The following TENM2 variants were observed in gnomAD, a reference collection of about 807,000 sequenced individuals.
TENM2 encodes the protein teneurin transmembrane protein 2.
TENM2 carries 52 observed loss-of-function variants against 245.2 expected under a neutral mutation model. The observed-to-expected ratio is 0.21, with a 90% confidence interval of 0.17 to 0.27. The LOEUF (loss-of-function observed/expected upper bound fraction) is 0.27. Among genes scored for constraint, TENM2 ranks in the 10% least tolerant of loss-of-function variants. TENM2 has a pLI of 1.00. For missense variants in TENM2, 3,046 were observed against 3,666.8 expected, an observed-to-expected ratio of 0.83 and a Z score of 4.37; for synonymous variants, 1,363 against 1,438.9, an observed-to-expected ratio of 0.95 and a Z score of 1.19.
chr5:167,831,982 CG>C (rs58337999), intron 2 of TENM2, among the ~76,000 whole-genome samples: 4,605 of 122,840 alleles, frequency 0.037, 235 homozygotes, highest in African/African-American at 0.12. Context: ...AGAGAATGGA[CG>C]AAAAAAAAAA....
chr5:168,184,629 A>T (rs546138981), intron 13 of TENM2, among the ~76,000 whole-genome samples: 1 of 152,194 alleles, frequency 6.6e-6, no homozygotes, highest in Admixed American at 6.5e-5. Flanking sequence ...GCCATTTCCT[A>T]TGAGAATGAT....
intron 3 of TENM2, among the ~76,000 whole-genome samples, chr5:167,944,751 T>C (rs934221313): frequency 6.6e-6 from 1 of 152,198 alleles, no homozygotes; most frequent in Non-Finnish European, 1.5e-5. Flanking sequence ...TAAAATTAGA[T>C]AGTGGTGATA....
At chr5:167,022,048 T>G in the TENM2 span, among the ~76,000 whole-genome samples, 1 of 152,238 alleles carries the variant, frequency 6.6e-6, no homozygotes. Context: ...ATGGAAATTC[T>G]TATGGGTTTA....
At chr5:167,836,924 G>T (rs1311602495) in intron 2 of TENM2, among the ~76,000 whole-genome samples, 1 of 152,014 alleles carries the variant, frequency 6.6e-6, no homozygotes, top group Non-Finnish European at 1.5e-5. Flanking sequence ...TGGAAAATCT[G>T]CTTTTTTCAT....
At chr5:167,208,680 A>C in the TENM2 span, among the ~76,000 whole-genome samples, 32,222 of 152,176 alleles carry the variant, frequency 0.21, 4,094 homozygotes, top group African/African-American at 0.35. Context: ...CTTAGCCTTA[A>C]TAAACGGAAC....
intron 1 of TENM2, among the ~76,000 whole-genome samples, chr5:167,342,507 C>CTTTTTTTTTTTTT (rs35451881): frequency 1.8e-5 from 1 of 54,288 alleles, no homozygotes; most frequent in African/African-American, 8.0e-5. Context: ...TAAAGTTATT[C>CTTTTTTTTTTTTT]TTTTTTTTTT....
At chr5:167,485,964 A>C (rs1768038835) in intron 2 of TENM2, among the ~76,000 whole-genome samples, 1 of 152,130 alleles carries the variant, frequency 6.6e-6, no homozygotes, top group African/African-American at 2.4e-5. Context: ...CAAATTATAC[A>C]TACACACTTG....
chr5:168,135,875 T>C (rs1477916350), intron 12 of TENM2, among the ~76,000 whole-genome samples: 1 of 152,152 alleles, frequency 6.6e-6, no homozygotes, highest in African/African-American at 2.4e-5. Flanking sequence ...CAGTGTTTTT[T>C]TGGTTTTGGG....
rs193189302 is a variant in TENM2, at chr5:167,857,115, G to C, written c.503-18871G>C. Among the ~76,000 whole-genome samples the C allele has an allele frequency of 8.4e-4, 128 of 152,196 alleles. 1 individual carries two copies. Among genetic ancestry groups the C allele is most frequent in the African/African-American group, 3.0e-3 (123 of 41,520 alleles). On this transcript the variant is annotated intron_variant, in intron 2 of 28. Transcript: ENST00000518659. Reference sequence around the variant, plus strand: ...ATATGTGTTCATTGAATGAACTACAGAGTGGATTACATTCTAGCAAGAATG... The same window carrying C: ...ATATGTGTTCATTGAATGAACTACACAGTGGATTACATTCTAGCAAGAATG...
chr5:167,978,477 G>A (rs1782602027), intron 4 of TENM2, among the ~76,000 whole-genome samples: 1 of 152,314 alleles, frequency 6.6e-6, no homozygotes, highest in South Asian at 2.1e-4. Flanking sequence ...CTACAATGGG[G>A]ATGAACTTGA....
intron 6 of TENM2, among the ~76,000 whole-genome samples, chr5:168,057,917 C>T (rs1029345767): frequency 1.8e-4 from 24 of 133,618 alleles, no homozygotes; most frequent in Non-Finnish European, 2.4e-4. Context: ...TTCAATATGG[C>T]TTTACTCTCT....
intron 1 of TENM2, among the ~76,000 whole-genome samples, chr5:167,369,256 G>A (rs553350620): frequency 6.3e-4 from 96 of 152,270 alleles, no homozygotes; most frequent in Admixed American, 1.1e-3. Context: ...ATTTTTGTAT[G>A]TAATGTCCAG....
intron 2 of TENM2, among the ~76,000 whole-genome samples, chr5:167,555,156 G>C (rs1337464075): frequency 1.3e-5 from 2 of 152,104 alleles, no homozygotes; most frequent in Non-Finnish European, 1.5e-5. Context: ...TTGGCTCTTG[G>C]AAAAGCATTT....
At chr5:168,054,360 G>C (rs1789361502) in intron 6 of TENM2, among the ~76,000 whole-genome samples, 1 of 152,236 alleles carries the variant, frequency 6.6e-6, no homozygotes, top group South Asian at 2.1e-4. Flanking sequence ...GTCCTTGGAA[G>C]AATCTTTTCA....
chr5:166,988,284 T>C, the TENM2 span, among the ~76,000 whole-genome samples: 3 of 152,222 alleles, frequency 2.0e-5, no homozygotes, highest in Non-Finnish European at 4.4e-5. Context: ...CTTGTTGATC[T>C]GAATCAGAGA....
the TENM2 span, among the ~76,000 whole-genome samples, chr5:167,023,053 T>G: frequency 2.6e-5 from 4 of 152,202 alleles, no homozygotes; most frequent in Admixed American, 2.0e-4. Flanking sequence ...ATATGGCCTC[T>G]GGGACTTATT....
chr5:167,551,474 A>C (rs1772937783), intron 2 of TENM2, among the ~76,000 whole-genome samples: 3 of 152,154 alleles, frequency 2.0e-5, no homozygotes, highest in Admixed American at 2.0e-4. Flanking sequence ...ACCATAAAGA[A>C]GTACATAGTA....
intron 12 of TENM2, among the ~76,000 whole-genome samples, chr5:168,154,386 T>G (rs1013454009): frequency 6.6e-6 from 1 of 151,952 alleles, no homozygotes; most frequent in African/African-American, 2.4e-5. Flanking sequence ...TCTGCTACTT[T>G]TTGTATATTT....
At chr5:168,072,510 G>GCAT (rs1023367380) in intron 7 of TENM2, among the ~76,000 whole-genome samples, 2 of 152,168 alleles carry the variant, frequency 1.3e-5, no homozygotes, top group African/African-American at 4.8e-5. Context: ...GTGATTAAAA[G>GCAT]CATCGGCTCT....
Sources: gnomAD v4.1 joint callset for allele counts (sites outside exome capture counted in the v4.1 genomes callset) on GRCh38, gnomAD v4.1.1 for gene constraint, MANE v1.5 for transcripts, NCBI Gene and HGNC (gene_info 2026-07-23, HGNC 2026-07-21) for gene names.